The following SAE1 variants were observed in gnomAD, a reference collection of about 807,000 sequenced individuals.
SAE1 encodes the protein SUMO-activating enzyme subunit 1.
A neutral mutation model predicts 40.6 loss-of-function variants in SAE1; 11 were observed. The observed-to-expected ratio is 0.27, with a 90% CI of 0.17 to 0.45. The LOEUF (loss-of-function observed/expected upper bound fraction) is 0.45. Among genes scored for constraint, SAE1 ranks in the 20% least tolerant of loss-of-function variants. SAE1 has a pLI of 1.00. For missense variants in SAE1, 373 were observed against 427.3 expected, an observed-to-expected ratio of 0.87 and a Z score of 1.12; for synonymous variants, 155 against 154.3, an observed-to-expected ratio of 1.00 and a Z score of -0.03.
intron 2 of SAE1, among the ~76,000 whole-genome samples, chr19:47,149,567 G>A (rs1309700422): frequency 6.6e-6 from 1 of 152,170 alleles, no homozygotes; most frequent in Non-Finnish European, 1.5e-5. Flanking sequence ...CACATGCTAA[G>A]TATTTAGTCA....
In SAE1 at chr19:47,156,708, G is replaced by A. The variant is rs143123971; in HGVS notation, c.627+1495G>A. Among the ~76,000 whole-genome samples the A allele has an allele frequency of 7.1e-3, 1,084 of 152,152 alleles. 11 individuals are homozygous for A. Among genetic ancestry groups the A allele is most frequent in the African/African-American group, 0.025 (1,048 of 41,510 alleles). On this transcript the variant is annotated intron_variant, in intron 5 of 8. Coordinates refer to ENST00000270225, the MANE Select transcript of SAE1 (RefSeq NM_005500.3). ...TAATTTTTGTATTTTTAGTAGAGAT[G>A]GGGTTCCACCATGTTGGCCAGGATG... is the stretch of plus-strand genomic sequence containing the variant.
chr19:47,182,497 GCGCGCACGCA>G (rs909488476), intron 6 of SAE1, among the ~76,000 whole-genome samples: 38 of 86,496 alleles, frequency 4.4e-4, no homozygotes, highest in African/African-American at 1.4e-3. Context: ...GTGTGTGTGT[GCGCGCACGCA>G]CGCGCGCGCG....
intron 7 of SAE1, among the ~76,000 whole-genome samples, chr19:47,198,912 C>T (rs2058633807): frequency 6.6e-6 from 1 of 151,964 alleles, no homozygotes; most frequent in South Asian, 2.1e-4. Flanking sequence ...CATGGTGAAA[C>T]CCTGTCTCTA....
chr19:47,156,331 A>T (rs1360072328), intron 5 of SAE1, among the ~76,000 whole-genome samples: 1 of 151,658 alleles, frequency 6.6e-6, no homozygotes, highest in Non-Finnish European at 1.5e-5. Flanking sequence ...TACAAAAATT[A>T]GCTGGGCAAG....
At chr19:47,188,830 G>A (rs2058560688) in intron 6 of SAE1, among the ~76,000 whole-genome samples, 1 of 152,186 alleles carries the variant, frequency 6.6e-6, no homozygotes, top group South Asian at 2.1e-4. Flanking sequence ...CAGAGAGAAG[G>A]TACAGAGGAC....
intron 5 of SAE1, among the ~76,000 whole-genome samples, chr19:47,166,024 C>T (rs2058390070): frequency 6.6e-6 from 1 of 152,186 alleles, no homozygotes; most frequent in African/African-American, 2.4e-5. Context: ...GGCTTTCTTC[C>T]CTCAGTTGTA....
intron 7 of SAE1, among the ~76,000 whole-genome samples, chr19:47,202,266 T>G (rs758806713): frequency 1.6e-4 from 25 of 152,020 alleles, no homozygotes; most frequent in Admixed American, 9.2e-4. Flanking sequence ...TTGATAATAT[T>G]TGGGTTTAAA....
At chr19:47,183,921 A>C (rs1369947779) in intron 6 of SAE1, among the ~76,000 whole-genome samples, 1 of 152,194 alleles carries the variant, frequency 6.6e-6, no homozygotes, top group East Asian at 1.9e-4. Flanking sequence ...CTCTGTCAGA[A>C]CAGTTCTGTG....
At chr19:47,159,752 GGCACAATCTCA>G (rs1301573470) in intron 5 of SAE1, among the ~76,000 whole-genome samples, 2 of 152,088 alleles carry the variant, frequency 1.3e-5, no homozygotes, top group South Asian at 2.1e-4. Flanking sequence ...GGAGTGCAGT[GGCACAATCTCA>G]GCTCACTGCA....
chr19:47,182,317 G>A (rs2058511546), intron 6 of SAE1, among the ~76,000 whole-genome samples: 1 of 152,102 alleles, frequency 6.6e-6, no homozygotes, highest in African/African-American at 2.4e-5. Flanking sequence ...GGTTTTTGGT[G>A]TCCAGTAATG....
intron 6 of SAE1, among the ~76,000 whole-genome samples, chr19:47,179,065 G>C (rs937375264): frequency 6.6e-6 from 1 of 151,610 alleles, no homozygotes; most frequent in Admixed American, 6.6e-5. Flanking sequence ...GGTGGCGGGC[G>C]TCTGTAGTCT....
At chr19:47,169,655 A>G (rs953366100) in intron 5 of SAE1, among the ~76,000 whole-genome samples, 163 bp from the exon 6 acceptor site, 1 of 152,194 alleles carries the variant, frequency 6.6e-6, no homozygotes, top group African/African-American at 2.4e-5. Flanking sequence ...AGAAGCACAC[A>G]GTGAGTGTTC....
chr19:47,145,335 T>TG (rs1378773878), intron 2 of SAE1, among the ~76,000 whole-genome samples: 1 of 151,988 alleles, frequency 6.6e-6, no homozygotes, highest in Non-Finnish European at 1.5e-5. Flanking sequence ...TTAGTAGAGA[T>TG]GGGGTTTCAC....
intron 5 of SAE1, among the ~76,000 whole-genome samples, chr19:47,156,259 A>C (rs2058323937): frequency 6.6e-6 from 1 of 151,210 alleles, no homozygotes; most frequent in Admixed American, 6.6e-5. Flanking sequence ...CCACCTAGCA[A>C]GATCCTGTCT....
In SAE1 at chr19:47,197,255, T is replaced by A; in HGVS notation, c.756T>A (p.Asp252Glu). 1 of 1,613,712 alleles carries A rather than the reference T, an allele frequency of 6.2e-7. No homozygotes were observed. Among genetic ancestry groups the A allele is most frequent in the Non-Finnish European group, 8.5e-7 (1 of 1,179,862 alleles). ...LLQVLLKFRTDKGRDPSSDTY... is the reference protein window; with the variant it reads ...LLQVLLKFRTEKGRDPSSDTY... ...CAGTGCTCTTAAAGTTCCGTACAGA[T>A]AAAGGAAGAGATCCCAGTTCTGATA... Residue 252 changes from aspartate (D) to glutamate (E), a missense_variant, in exon 7 of 9, where the codon GAT (aspartate) becomes GAA (glutamate). Around this residue, in one of 3 missense-constraint regions of SAE1, gnomAD observed 351 missense variants for 390.6 expected, o/e 0.90. Transcript: ENST00000270225.
chr19:47,196,949 G>A (rs1332597644), intron 6 of SAE1, among the ~76,000 whole-genome samples: 1 of 151,972 alleles, frequency 6.6e-6, no homozygotes, highest in Admixed American at 6.6e-5. Context: ...TTGGGAGGCC[G>A]AGGCGGGCGG....
At chr19:47,207,916 G>A (rs2123332721) in intron 8 of SAE1, among the ~76,000 whole-genome samples, 1 of 152,264 alleles carries the variant, frequency 6.6e-6, no homozygotes, top group South Asian at 2.1e-4. Context: ...GATTACAGAT[G>A]TGAGACATTA....
chr19:47,150,183 A>C lies in SAE1; in HGVS notation c.211-19A>C. 1 of 1,494,746 alleles carries C rather than the reference A, an allele frequency of 6.7e-7. No homozygotes were observed. 92.6% of individuals were successfully genotyped at this position (1,494,746 alleles called of 1,614,324 possible). ...CCCTAAAAATACAAGACTTAAAAAA[A>C]TATGTGTATTATTCCTAGGTAACTC... On this transcript the variant is annotated intron_variant, in intron 2 of 8. Transcript: ENST00000270225.
chr19:47,201,215 ATTT>A (rs2058652351), intron 7 of SAE1, among the ~76,000 whole-genome samples: 1 of 150,914 alleles, frequency 6.6e-6, no homozygotes, highest in African/African-American at 2.4e-5. Context: ...CGCCCGGCTA[ATTT>A]TTGTATTTTT....
Sources: allele counts gnomAD v4.1 joint callset (sites outside exome capture counted in the v4.1 genomes callset), GRCh38; gene constraint gnomAD v4.1.1; regional missense constraint gnomAD v4.1.1; transcripts MANE v1.5; gene names NCBI Gene and HGNC (gene_info 2026-07-23, HGNC 2026-07-21).